Variants in JAM3 observed in about 807,000 individuals in gnomAD.
The protein encoded by JAM3 is junctional adhesion molecule 3.
Under a neutral mutation model 39.4 loss-of-function variants are expected in JAM3, and 31 were observed. The observed-to-expected ratio is 0.79, with a 90% CI of 0.59 to 1.06. The LOEUF (loss-of-function observed/expected upper bound fraction) is 1.06, where lower values mean the gene tolerates loss of function less well. JAM3 is among the 50% of genes least tolerant of loss of function. JAM3 has a pLI of 0.00. For missense variants in JAM3, 455 were observed against 391.4 expected, an observed-to-expected ratio of 1.16 and a Z score of -1.37; for synonymous variants, 182 against 148.7, an observed-to-expected ratio of 1.22 and a Z score of -1.63.
chr11:134,144,680 C>A, intron 4 of JAM3, 112 bp from the exon 5 acceptor site: 2 of 988,658 alleles, frequency 2.0e-6, no homozygotes, highest in Non-Finnish European at 3.2e-6. Context: ...ACAGCAGTGG[C>A]GTGGGAACCC....
At chr11:134,109,251 C>T (rs147892622) in intron 1 of JAM3, among the ~76,000 whole-genome samples, 2,401 of 151,956 alleles carry the variant, frequency 0.016, 30 homozygotes, top group Middle Eastern at 0.078. Context: ...CGTGAGCCAC[C>T]GTGCCCGGCC....
chr11:134,130,917 A>G (rs1017478163), intron 1 of JAM3, among the ~76,000 whole-genome samples: 2 of 152,220 alleles, frequency 1.3e-5, no homozygotes, highest in African/African-American at 4.8e-5. Context: ...ATTAAAAGCT[A>G]CAGAGTGACT....
At chr11:134,108,862 T>C (rs1408660238) in intron 1 of JAM3, among the ~76,000 whole-genome samples, 2 of 152,142 alleles carry the variant, frequency 1.3e-5, no homozygotes. Flanking sequence ...AAATTAGGAA[T>C]AGAGGGAGTT....
chr11:134,113,882 A>G (rs1329279562), intron 1 of JAM3, among the ~76,000 whole-genome samples: 1 of 152,190 alleles, frequency 6.6e-6, no homozygotes, highest in African/African-American at 2.4e-5. Flanking sequence ...AATGATCGCA[A>G]TTCTAACTGG....
chr11:134,092,231 C>T (rs978627627), intron 1 of JAM3, among the ~76,000 whole-genome samples: 4 of 152,176 alleles, frequency 2.6e-5, no homozygotes, highest in African/African-American at 7.2e-5. Flanking sequence ...GTGTGCTGCC[C>T]GTTGTGTGTG....
intron 1 of JAM3, among the ~76,000 whole-genome samples, chr11:134,111,536 C>T (rs953885065): frequency 5.3e-5 from 8 of 149,614 alleles, no homozygotes; most frequent in Admixed American, 4.6e-4. Flanking sequence ...CTCTACTTCT[C>T]CTCATACCAT....
rs570129259 is a variant in JAM3, at chr11:134,111,800, C to T, written c.77-28051C>T. Among the ~76,000 whole-genome samples the T allele has an allele frequency of 3.3e-5, 5 of 152,230 alleles. No homozygotes were observed. In the South Asian group the frequency reaches 1.0e-3, roughly 32 times the overall value. ...ATCTCCATTTTCTTTTAGATAATGC[C>T]TCTCAATTAACAAAAATTTCATTTT... On this transcript the variant is annotated intron_variant, in intron 1 of 8. Coordinates refer to ENST00000299106, the MANE Select transcript of JAM3 (RefSeq NM_032801.5).
intron 1 of JAM3, among the ~76,000 whole-genome samples, chr11:134,133,270 T>C (rs963151167): frequency 6.6e-6 from 1 of 152,226 alleles, no homozygotes; most frequent in Non-Finnish European, 1.5e-5. Flanking sequence ...CTTTCCAACT[T>C]CGATTCCTTT....
At chr11:134,074,261 T>G (rs563666612) in intron 1 of JAM3, among the ~76,000 whole-genome samples, 32 of 152,328 alleles carry the variant, frequency 2.1e-4, no homozygotes, top group Admixed American at 5.2e-4. Flanking sequence ...GTTTTCCTGG[T>G]TGATTCTTGT....
At position 134,139,028 on chromosome 11, in the gene JAM3, T is replaced by G. The variant is rs74958974; in HGVS notation, c.77-823T>G. ...AAGGTGTTCTGTATGAAGGCCTTCT[T>G]TGGGGATGGCATGTTTTATTAGAGG... On this transcript the variant is annotated intron_variant, in intron 1 of 8. Coordinates refer to ENST00000299106, the MANE Select transcript of JAM3 (RefSeq NM_032801.5). Among the ~76,000 whole-genome samples, 31 of 152,264 alleles carry G rather than the reference T, an allele frequency of 2.0e-4. No individual in the cohort carries two copies. In the South Asian group the frequency reaches 2.7e-3, roughly 13 times the overall value.
At chr11:134,121,516 T>G (rs1942531961) in intron 1 of JAM3, among the ~76,000 whole-genome samples, 1 of 152,104 alleles carries the variant, frequency 6.6e-6, no homozygotes, top group Non-Finnish European at 1.5e-5. Flanking sequence ...TTGTTGTTCT[T>G]TAAAAGGGTT....
chr11:134,148,819 G>A lies in JAM3; in HGVS notation c.897+1G>A. 6.2e-7 allele frequency: 1 copy of A among 1,614,040 alleles called. No individual in the cohort carries two copies. The highest frequency in any genetic ancestry group is 8.5e-7 in the Non-Finnish European group (1 of 1,179,958). ...TAACTACATCCGCACTGACGAGGAG[G>A]TAATCATTTAGTAAACCTGGAAACC... On this transcript the variant is annotated splice_donor_variant, in intron 8 of 8. Transcript: ENST00000299106. LOFTEE classifies it high-confidence loss of function.
intron 6 of JAM3, among the ~76,000 whole-genome samples, chr11:134,147,102 C>T (rs1417150567): frequency 6.6e-6 from 1 of 152,134 alleles, no homozygotes; most frequent in African/African-American, 2.4e-5. Flanking sequence ...AGTTTTGCCC[C>T]AGACCTACTT....
Position 134,111,874 on chromosome 11 carries a change from C to T in JAM3, c.77-27977C>T, listed in dbSNP as rs183105846. Among the ~76,000 whole-genome samples the T allele has an allele frequency of 8.5e-5, 13 of 152,294 alleles. No individual in the cohort carries two copies. In the East Asian group the frequency reaches 1.4e-3, roughly 16 times the overall value. ...AATAAGATACCTACACATCAAATGTCCCTCAGTTATAATGGAAGCCCAGTG... is the reference window on the plus strand; with the variant it reads ...AATAAGATACCTACACATCAAATGTTCCTCAGTTATAATGGAAGCCCAGTG... On this transcript the variant is annotated intron_variant, in intron 1 of 8. Coordinates refer to ENST00000299106, the MANE Select transcript of JAM3 (RefSeq NM_032801.5).
chr11:134,134,532 C>T (rs1046737505), intron 1 of JAM3, among the ~76,000 whole-genome samples: 2 of 151,808 alleles, frequency 1.3e-5, no homozygotes, highest in African/African-American at 2.4e-5. Context: ...AGAATTACAT[C>T]GTACAGTATT....
intron 1 of JAM3, among the ~76,000 whole-genome samples, chr11:134,088,392 C>A (rs1178367774): frequency 7.6e-6 from 1 of 130,780 alleles, no homozygotes. Context: ...GCTTGGGCAA[C>A]ATTTTTTTTT....
intron 1 of JAM3, among the ~76,000 whole-genome samples, chr11:134,074,804 A>C (rs77969086): frequency 0.014 from 2,065 of 152,256 alleles, 130 homozygotes; most frequent in Admixed American, 0.11. Flanking sequence ...ACTTCTGTTG[A>C]AACTAGACTC....
chr11:134,134,212 A>G (rs542830646), intron 1 of JAM3, among the ~76,000 whole-genome samples: 38 of 152,254 alleles, frequency 2.5e-4, no homozygotes, highest in African/African-American at 8.9e-4. Context: ...GACCTAAAAA[A>G]TGGAACAGAA....
intron 1 of JAM3, among the ~76,000 whole-genome samples, chr11:134,097,474 C>G (rs1398881993): frequency 6.6e-6 from 1 of 152,168 alleles, no homozygotes; most frequent in Non-Finnish European, 1.5e-5. Context: ...TGATGAACCT[C>G]TTTGGAGCAT....
Sources: allele counts gnomAD v4.1 joint callset (sites outside exome capture counted in the v4.1 genomes callset), GRCh38; gene constraint gnomAD v4.1.1; transcripts MANE v1.5; gene names NCBI Gene and HGNC (gene_info 2026-07-23, HGNC 2026-07-21).